The following NAMPT variants were observed in gnomAD, a reference collection of about 807,000 sequenced individuals.
NAMPT encodes the protein NAmPRTase.
Under a neutral mutation model 58.7 loss-of-function variants are expected in NAMPT, and 7 were observed. That is an observed-to-expected ratio of 0.12 (90% CI 0.07 to 0.22). The LOEUF (loss-of-function observed/expected upper bound fraction) is 0.22. NAMPT is among the 10% of genes least tolerant of loss of function. The pLI is 1.00. For missense variants in NAMPT, 271 were observed against 567.9 expected (o/e 0.48, Z 5.31); for synonymous variants, 145 against 198.1 (o/e 0.73, Z 2.25).
intron 6 of NAMPT, 73 bp downstream of exon 6, chr7:106,268,391 G>A (rs1792469744): frequency 4.2e-6 from 6 of 1,437,508 alleles, no homozygotes; most frequent in Non-Finnish European, 5.7e-6. Flanking sequence ...CTGCAGTTAG[G>A]TAAAATGTCA....
intron 10 of NAMPT, among the ~76,000 whole-genome samples, chr7:106,252,318 T>G (rs2115717302): frequency 6.6e-6 from 1 of 152,244 alleles, no homozygotes; most frequent in Middle Eastern, 3.4e-3. Flanking sequence ...AAGTTTGATT[T>G]ACAAACATAT....
intron 1 of NAMPT, among the ~76,000 whole-genome samples, chr7:106,281,348 T>C (rs972687453): frequency 6.6e-6 from 1 of 152,306 alleles, no homozygotes; most frequent in South Asian, 2.1e-4. Context: ...TAGGGTTGAT[T>C]TGAAGATCTT....
intron 1 of NAMPT, among the ~76,000 whole-genome samples, chr7:106,280,325 G>A (rs897993480): frequency 2.0e-5 from 3 of 152,156 alleles, no homozygotes; most frequent in African/African-American, 7.2e-5. Flanking sequence ...TAATAAGAGT[G>A]CCATTTATAG....
At position 106,254,580 on chromosome 7, in the gene NAMPT, T is replaced by C; in HGVS notation, c.1090-76A>G. 3 of 1,460,930 alleles carry C rather than the reference T, an allele frequency of 2.1e-6. No individual in the cohort carries two copies. In the South Asian group the frequency reaches 3.5e-5, roughly 17 times the overall value. 90.5% of individuals were successfully genotyped at this position (1,460,930 alleles called of 1,614,324 possible). A position where few individuals can be genotyped will look rare whatever the true frequency, so the allele number is the denominator to read the frequency against. ...AATGGAGATTATTTTCAAGGGACAATATTGATGAATGAAGCATCCAAGACT... is the reference window on the plus strand; with the variant it reads ...AATGGAGATTATTTTCAAGGGACAACATTGATGAATGAAGCATCCAAGACT... On this transcript the variant is annotated intron_variant, in intron 8 of 10. Coordinates refer to ENST00000222553, the MANE Select transcript of NAMPT (RefSeq NM_005746.3).
intron 10 of NAMPT, 33 bp downstream of exon 10, chr7:106,252,984 T>G: frequency 6.2e-7 from 1 of 1,601,214 alleles, no homozygotes; most frequent in Non-Finnish European, 8.5e-7. Context: ...AACCTACTAT[T>G]GCTTAAAAAA....
In NAMPT at chr7:106,251,161, C is replaced by T. The variant is rs780229741; in HGVS notation, c.1398G>A (p.Lys466=). ...DLLHTVFKNG[K]VTKSYSFDEI... is the part of the protein sequence containing the mutation. ...CATCAAATGAATAGCTTTTTGTCAC[C>T]TTGCCATTCTTGAAGACAGTATGGA... Residue 466 remains lysine, a synonymous_variant, in exon 11 of 11, where the codon AAG becomes AAA. Coordinates refer to ENST00000222553, the MANE Select transcript of NAMPT (RefSeq NM_005746.3). 3.6e-5 allele frequency: 57 copies of T among 1,604,106 alleles called. No homozygotes were observed. Among genetic ancestry groups the T allele is most frequent in the Non-Finnish European group, 2.6e-6 (3 of 1,171,464 alleles).
chr7:106,256,157 C>G (rs189663074), intron 8 of NAMPT, among the ~76,000 whole-genome samples: 45 of 152,252 alleles, frequency 3.0e-4, no homozygotes, highest in African/African-American at 1.0e-3. Context: ...TAAATCACTC[C>G]AATAGAAGTT....
At chr7:106,277,282 CTTG>C (rs1792665272) in intron 1 of NAMPT, 103 bp from the exon 2 acceptor site, 2 of 994,138 alleles carry the variant, frequency 2.0e-6, no homozygotes, top group Admixed American at 5.2e-5. Flanking sequence ...AACTATATTT[CTTG>C]TTTGCTATTA....
intron 1 of NAMPT, among the ~76,000 whole-genome samples, chr7:106,278,630 C>CAAAT (rs1257282914): frequency 1.3e-5 from 2 of 152,126 alleles, no homozygotes; most frequent in African/African-American, 4.8e-5. Context: ...AATGCAAAAA[C>CAAAT]AAATATATTT....
chr7:106,261,938 A>G (rs1447367704), intron 7 of NAMPT, among the ~76,000 whole-genome samples: 4 of 152,262 alleles, frequency 2.6e-5, no homozygotes, highest in African/African-American at 4.8e-5. Context: ...TTCACATCAT[A>G]AAGTGGCTCA....
chr7:106,284,236 A>C (rs910017993), intron 1 of NAMPT: 2 of 152,128 alleles, frequency 1.3e-5, no homozygotes, highest in Non-Finnish European at 2.9e-5. Context: ...AGGGGAATCC[A>C]CTACGGCTAC....
chr7:106,271,093 T>A (rs1469111729), intron 4 of NAMPT, among the ~76,000 whole-genome samples: 1 of 83,892 alleles, frequency 1.2e-5, no homozygotes, highest in East Asian at 5.0e-4. Flanking sequence ...AAGTTTTTTT[T>A]CTTTTTTTCC....
At chr7:106,268,713 C>A in intron 5 of NAMPT, 113 bp from the exon 6 acceptor site, 2 of 744,108 alleles carry the variant, frequency 2.7e-6, no homozygotes, top group Admixed American at 4.8e-5. Context: ...TAAGAATTGT[C>A]TTTCTCTTAG....
chr7:106,267,869 A>AAAAAAAAAAAAAAAAC (rs1792454290), intron 6 of NAMPT, among the ~76,000 whole-genome samples: 1 of 140,396 alleles, frequency 7.1e-6, no homozygotes, highest in South Asian at 2.3e-4. Flanking sequence ...AAAAAAAAAA[A>AAAAAAAAAAAAAAAAC]AAAAAAACAA....
At chr7:106,274,521 A>T (rs1306089967) in intron 3 of NAMPT, among the ~76,000 whole-genome samples, 1 of 152,172 alleles carries the variant, frequency 6.6e-6, no homozygotes, top group African/African-American at 2.4e-5. Context: ...TTATATTCAG[A>T]TCACAAACAA....
intron 10 of NAMPT, among the ~76,000 whole-genome samples, chr7:106,251,888 T>TA (rs1271076243): frequency 6.6e-6 from 1 of 152,108 alleles, no homozygotes. Context: ...ACTAAGGAGT[T>TA]ACCTGCTTCT....
chr7:106,285,010 G>C, upstream of NAMPT: 2 of 1,450,490 alleles, frequency 1.4e-6, no homozygotes, highest in Non-Finnish European at 1.8e-6. Context: ...AGGGGGAGAG[G>C]GGGAAACGGA....
Position 106,250,506 on chromosome 7 carries a change from G to GGTAT in NAMPT, c.*573_*576dup, listed in dbSNP as rs1562810290. On this transcript the variant is annotated 3_prime_UTR_variant, in exon 11 of 11. Coordinates refer to ENST00000222553, the MANE Select transcript of NAMPT (RefSeq NM_005746.3). ...GGCAGTAAGGTTAGTAATTCTATAGGGTATGTCCCGACATAATTTTCAAAT... is the reference window on the plus strand; with the variant it reads ...GGCAGTAAGGTTAGTAATTCTATAGGGTATGTATGTCCCGACATAATTTTCAAAT... 6.5e-6 allele frequency: 1 copy of GGTAT among 153,618 alleles called. No individual in the cohort carries two copies. Among genetic ancestry groups the GGTAT allele is most frequent in the Admixed American group, 6.6e-5 (1 of 15,226 alleles). The allele number at this position is 153,618 out of a possible 1,614,324, so 9.5% of individuals were successfully genotyped here. A position where few individuals can be genotyped will look rare whatever the true frequency, so the allele number is the denominator to read the frequency against.
rs568608942 is a variant in NAMPT at position 106,268,664 on chromosome 7, T to G, written c.607-64A>C. On this transcript the variant is annotated intron_variant, in intron 5 of 10. Transcript: ENST00000222553. ...GAAACCCACATTAATAATACCAGGA[T>G]GCAGCCAACCACATTTAAGGAATAT... The G allele has an allele frequency of 1.3e-5, 15 of 1,145,082 alleles. 1 individual carries two copies. The Middle Eastern group carries it at 7.8e-4, about 60-fold the overall frequency. 70.9% of individuals were successfully genotyped at this position (1,145,082 alleles called of 1,614,324 possible). A position where few individuals can be genotyped will look rare whatever the true frequency, so the allele number is the denominator to read the frequency against.
Sources: gnomAD v4.1 joint callset for allele counts (sites outside exome capture counted in the v4.1 genomes callset) on GRCh38, gnomAD v4.1.1 for gene constraint, MANE v1.5 for transcripts, NCBI Gene and HGNC (gene_info 2026-07-23, HGNC 2026-07-21) for gene names.